CCSER1: variants seen among roughly 807,000 people sequenced by gnomAD.
CCSER1 encodes serine-rich coiled-coil domain-containing protein 1.
In CCSER1, 41 loss-of-function variants were observed where a neutral mutation model predicts 82.0. The observed-to-expected ratio is 0.50, with a 90% confidence interval of 0.39 to 0.65. The LOEUF (loss-of-function observed/expected upper bound fraction) is 0.65, where lower values mean the gene tolerates loss of function less well. Among genes scored for constraint, CCSER1 ranks in the 30% least tolerant of loss-of-function variants. The pLI, the probability that CCSER1 is intolerant of heterozygous loss-of-function variation, is 0.00. For synonymous variants in CCSER1, 414 were observed against 383.9 expected (o/e 1.08, Z -0.92); for missense variants, 1,119 against 1,064.2 (o/e 1.05, Z -0.72).
At chr4:91,234,006 T>G (rs905459779) in intron 10 of CCSER1, among the ~76,000 whole-genome samples, 1 of 152,004 alleles carries the variant, frequency 6.6e-6, no homozygotes, top group Non-Finnish European at 1.5e-5. Flanking sequence ...AAATATAGTA[T>G]GTTTTCTCAC....
intron 1 of CCSER1, among the ~76,000 whole-genome samples, chr4:90,278,154 G>A (rs1230960122): frequency 6.6e-6 from 1 of 152,034 alleles, no homozygotes; most frequent in Non-Finnish European, 1.5e-5. Flanking sequence ...AATCAGAATG[G>A]CTTCTGTTGA....
At chr4:90,738,035 A>G (rs1225723627) in intron 7 of CCSER1, among the ~76,000 whole-genome samples, 3 of 152,184 alleles carry the variant, frequency 2.0e-5, no homozygotes, top group African/African-American at 7.2e-5. Flanking sequence ...CCACAAAATA[A>G]CTATTTTGAA....
Position 91,601,708 on chromosome 4 carries a change from T to TTTTC in CCSER1, c.*2655_*2658dup, listed in dbSNP as rs1324029005. The TTTTC allele has an allele frequency of 6.6e-6, 1 of 151,248 alleles. No homozygotes were observed. Among genetic ancestry groups the TTTTC allele is most frequent in the Non-Finnish European group, 1.5e-5 (1 of 67,942 alleles). 9.4% of individuals were successfully genotyped at this position (151,248 alleles called of 1,614,324 possible). ...TGTTTTTCTGATGGAAGCAGTGGTC[T>TTTTC]TTTCTTTTCTTTCCTCTTTCTTTTG... On this transcript the variant is annotated 3_prime_UTR_variant, in exon 11 of 11. Coordinates refer to ENST00000509176, the MANE Select transcript of CCSER1 (RefSeq NM_001145065.2).
rs571410677 is a variant in CCSER1, at chr4:91,436,733, G to C, written c.2218-161839G>C. Among the ~76,000 whole-genome samples, 307 of 152,270 alleles carry C rather than the reference G, an allele frequency of 2.0e-3. 10 individuals carry two copies. The South Asian group carries it at 0.062, about 31-fold the overall frequency. ...ATAGTGAAACCATGAGTGGAGCTCA[G>C]CTAGGGAAACAGAGAGATAGCCAAG... is the stretch of plus-strand genomic sequence containing the variant. On this transcript the variant is annotated intron_variant, in intron 10 of 10. Transcript: ENST00000509176.
intron 1 of CCSER1, among the ~76,000 whole-genome samples, chr4:90,251,880 TCTTG>T (rs1460052658): frequency 1.4e-4 from 21 of 151,882 alleles, no homozygotes; most frequent in African/African-American, 4.6e-4. Flanking sequence ...TTCTCATTTT[TCTTG>T]CTTGTTCTTT....
At chr4:90,317,754 C>T (rs368335515) in intron 3 of CCSER1, among the ~76,000 whole-genome samples, 10 of 152,340 alleles carry the variant, frequency 6.6e-5, no homozygotes, top group South Asian at 6.2e-4. Context: ...AATGTCTCCT[C>T]CTCCTGTATT....
At chr4:90,369,223 G>A (rs906435902) in intron 3 of CCSER1, among the ~76,000 whole-genome samples, 17 of 117,584 alleles carry the variant, frequency 1.4e-4, no homozygotes, top group Admixed American at 2.5e-4. Flanking sequence ...AAGAAAGAAA[G>A]GGGGAGGAAA....
At chr4:90,529,561 G>A (rs560897661) in intron 5 of CCSER1, among the ~76,000 whole-genome samples, 18 of 152,108 alleles carry the variant, frequency 1.2e-4, no homozygotes, top group Admixed American at 2.0e-4. Flanking sequence ...ACCTACTACT[G>A]ATATTTCCTA....
At position 90,614,292 on chromosome 4, in the gene CCSER1, C is replaced by T. The variant is rs536571945; in HGVS notation, c.1725-13733C>T. 7.5e-4 allele frequency among the ~76,000 whole-genome samples: 114 copies of T among 152,238 alleles called. 1 individual carries two copies. Among genetic ancestry groups the T allele is most frequent in the Non-Finnish European group, 1.3e-3 (87 of 68,004 alleles). On this transcript the variant is annotated intron_variant, in intron 5 of 10. Transcript: ENST00000509176. ...TATCTCTCCCTGTCCTCAGGCCTCC[C>T]TATTCCCTAAGACACAACAATATTG...
intron 5 of CCSER1, among the ~76,000 whole-genome samples, chr4:90,519,172 T>A (rs1452517395): frequency 6.6e-6 from 1 of 151,954 alleles, no homozygotes; most frequent in East Asian, 1.9e-4. Context: ...CATTTATTCA[T>A]TCATTCATTC....
At position 91,600,861 on chromosome 4, in the gene CCSER1, T is replaced by C. The variant is rs1178411561; in HGVS notation, c.*1804T>C. The stretch of plus-strand genomic sequence containing the variant: ...AAAGAGAACAATATACACTGCAAAT[T>C]GCTTGACTTAATGAGATTGCCATCT... On this transcript the variant is annotated 3_prime_UTR_variant, in exon 11 of 11. Transcript: ENST00000509176. 3 of 152,164 alleles carry C rather than the reference T, an allele frequency of 2.0e-5. No individual in the cohort carries two copies. Among genetic ancestry groups the C allele is most frequent in the African/African-American group, 7.2e-5 (3 of 41,452 alleles). The allele number at this position is 152,164 out of a possible 1,614,324, so 9.4% of individuals were successfully genotyped here.
chr4:90,688,506 T>C (rs1191342702), intron 6 of CCSER1, among the ~76,000 whole-genome samples: 2 of 152,110 alleles, frequency 1.3e-5, no homozygotes, highest in Admixed American at 6.6e-5. Context: ...CTTGTTACCA[T>C]ATCAAAACTC....
Position 90,576,657 on chromosome 4 carries a change from A to G in CCSER1, c.1725-51368A>G, listed in dbSNP as rs188345082. ...CAGTTTACCTCTTTCGCTTCATAATATGTATTTAAGTCTCCTCCATGTATT... is the reference window on the plus strand; with the variant it reads ...CAGTTTACCTCTTTCGCTTCATAATGTGTATTTAAGTCTCCTCCATGTATT... On this transcript the variant is annotated intron_variant, in intron 5 of 10. Coordinates refer to ENST00000509176, the MANE Select transcript of CCSER1 (RefSeq NM_001145065.2). 7.9e-5 allele frequency among the ~76,000 whole-genome samples: 12 copies of G among 152,236 alleles called. No homozygotes were observed. In the East Asian group the frequency reaches 2.3e-3, roughly 29 times the overall value.
intron 10 of CCSER1, among the ~76,000 whole-genome samples, chr4:91,165,024 G>C (rs1479049429): frequency 2.0e-5 from 3 of 152,170 alleles, no homozygotes; most frequent in African/African-American, 7.2e-5. Context: ...CTAATTTTTA[G>C]AATTTTCAGC....
intron 10 of CCSER1, among the ~76,000 whole-genome samples, chr4:91,234,595 T>C (rs1581817104): frequency 6.6e-6 from 1 of 152,114 alleles, no homozygotes; most frequent in Non-Finnish European, 1.5e-5. Context: ...TATGAGACTA[T>C]ACAGTTTTGT....
intron 7 of CCSER1, among the ~76,000 whole-genome samples, chr4:90,766,034 T>C (rs970821242): frequency 2.6e-5 from 4 of 151,490 alleles, no homozygotes; most frequent in Non-Finnish European, 5.9e-5. Context: ...AAAGGCATTG[T>C]AGGAAAAAAA....
intron 10 of CCSER1, among the ~76,000 whole-genome samples, chr4:91,159,988 GC>G (rs907196001): frequency 1.4e-4 from 21 of 151,788 alleles, no homozygotes; most frequent in Non-Finnish European, 2.9e-4. Context: ...ATGTTGGTTT[GC>G]TGCACCCATT....
At chr4:91,372,017 C>G (rs1394597947) in intron 10 of CCSER1, among the ~76,000 whole-genome samples, 1 of 152,082 alleles carries the variant, frequency 6.6e-6, no homozygotes, top group Non-Finnish European at 1.5e-5. Context: ...TTTGTATCTA[C>G]AAAGTTTCCT....
chr4:91,540,684 A>G (rs1761544146), intron 10 of CCSER1, among the ~76,000 whole-genome samples: 1 of 152,144 alleles, frequency 6.6e-6, no homozygotes, highest in East Asian at 1.9e-4. Context: ...TGTGTTTTAC[A>G]TTGAGATCTC....
Sources: gnomAD v4.1 joint callset for allele counts (sites outside exome capture counted in the v4.1 genomes callset) on GRCh38, gnomAD v4.1.1 for gene constraint, MANE v1.5 for transcripts, NCBI Gene and HGNC (gene_info 2026-07-23, HGNC 2026-07-21) for gene names.